Variants in SHROOM2 observed in about 807,000 individuals in gnomAD.
The protein encoded by SHROOM2 is protein Shroom2.
A neutral mutation model predicts 75.9 loss-of-function variants in SHROOM2; 33 were observed. The observed-to-expected ratio is 0.43, with a 90% confidence interval of 0.33 to 0.58. The LOEUF is 0.58. Among genes scored for constraint, SHROOM2 ranks in the 20% least tolerant of loss-of-function variants. The probability of loss-of-function intolerance (pLI) is 0.04; values close to 1 mark genes in which losing one functional copy is unlikely to be tolerated. For missense variants in SHROOM2, 1,434 were observed against 1,461.2 expected (o/e 0.98, Z 0.30); for synonymous variants, 655 against 663.6 (o/e 0.99, Z 0.20).
intron 1 of SHROOM2, among the ~76,000 whole-genome samples, chrX:9,838,391 C>G (rs1189074273): frequency 1.8e-5 from 2 of 110,694 alleles, no homozygotes; most frequent in East Asian, 5.7e-4. Context: ...CACGAGCTGG[C>G]TGGGATTGGG....
At chrX:9,798,644 A>G (rs1359722536) in intron 1 of SHROOM2, among the ~76,000 whole-genome samples, 1 of 112,092 alleles carries the variant, frequency 8.9e-6, no homozygotes, top group African/African-American at 3.2e-5. Flanking sequence ...TGTGTATGCC[A>G]CTTGACGTTT....
intron 1 of SHROOM2, among the ~76,000 whole-genome samples, chrX:9,814,997 C>T (rs1241458394): frequency 1.8e-5 from 2 of 111,527 alleles, no homozygotes; most frequent in Admixed American, 9.6e-5. Flanking sequence ...AGATTTGAGG[C>T]TCAGTATCTG....
intron 1 of SHROOM2, among the ~76,000 whole-genome samples, chrX:9,843,671 G>C (rs2083991239): frequency 8.9e-6 from 1 of 112,621 alleles, no homozygotes; most frequent in South Asian, 3.6e-4. Flanking sequence ...AAAGTGCTGG[G>C]ATTACAGGCG....
intron 1 of SHROOM2, among the ~76,000 whole-genome samples, chrX:9,809,749 A>G (rs765856635): frequency 1.2e-4 from 14 of 112,359 alleles, no homozygotes; most frequent in Non-Finnish European, 2.3e-4. Context: ...GCTCACTGCA[A>G]CCTCTGCCTC....
intron 5 of SHROOM2, among the ~76,000 whole-genome samples, chrX:9,903,785 T>A (rs1452816193): frequency 9.0e-6 from 1 of 110,855 alleles, no homozygotes; most frequent in Non-Finnish European, 1.9e-5. Flanking sequence ...GCTCAAGCGA[T>A]CCACCCATCT....
chrX:9,895,518 C>T lies in SHROOM2; in HGVS notation c.1610C>T (p.Pro537Leu), dbSNP rs764369129. Residue 537 changes from proline to leucine, a missense_variant, in exon 4 of 10, where the codon CCG becomes CTG. By Grantham distance (98) the Pro-to-Leu change is moderately conservative (BLOSUM62 -3). Transcript: ENST00000380913. ...GCCCGCGAGACAGGACGGTGTTACC[C>T]GCTGGACAAAGGGGCCGAGGGCTGC... ...PDARETGRCY[P>L]LDKGAEGCSA... 35 of 1,199,164 alleles carry T rather than the reference C, an allele frequency of 2.9e-5. No individual in the cohort carries two copies. Among genetic ancestry groups the T allele is most frequent in the African/African-American group, 2.3e-4 (13 of 57,114 alleles).
At chrX:9,846,295 TTTA>T (rs201081270) in intron 1 of SHROOM2, among the ~76,000 whole-genome samples, 4,717 of 108,757 alleles carry the variant, frequency 0.043, 112 homozygotes, top group Middle Eastern at 0.074. Flanking sequence ...AATTCTTTTA[TTTA>T]TTATTATTAT....
intron 1 of SHROOM2, among the ~76,000 whole-genome samples, chrX:9,824,008 C>G (rs1283619952): frequency 9.0e-6 from 1 of 111,106 alleles, no homozygotes; most frequent in African/African-American, 3.3e-5. Flanking sequence ...CTGCCTTGGC[C>G]TTCCAAAGTG....
intron 5 of SHROOM2, among the ~76,000 whole-genome samples, chrX:9,922,935 A>C (rs1313334079): frequency 3.6e-5 from 4 of 111,359 alleles, no homozygotes; most frequent in Non-Finnish European, 7.5e-5. Context: ...CAAAACCAGG[A>C]GGCAGTGGAG....
chrX:9,939,413 G>A (rs2084749024), intron 8 of SHROOM2, 47 bp downstream of exon 8: 1 of 1,097,555 alleles, frequency 9.1e-7, no homozygotes, highest in South Asian at 2.1e-5. Flanking sequence ...TCCAGGCAGG[G>A]GCAGGCATCC....
At chrX:9,883,149 C>T (rs765421709) in intron 2 of SHROOM2, among the ~76,000 whole-genome samples, 2 of 112,538 alleles carry the variant, frequency 1.8e-5, no homozygotes, top group South Asian at 3.7e-4. Context: ...CTTTAGGTCC[C>T]GTCTTCCAGG....
intron 5 of SHROOM2, among the ~76,000 whole-genome samples, chrX:9,907,816 G>A (rs1548387): frequency 0.45 from 50,074 of 110,792 alleles, 9,336 homozygotes; most frequent in East Asian, 0.83. Context: ...AGCCACATCC[G>A]TTTGCTCACA....
In SHROOM2 at chrX:9,948,158, A is replaced by G. The variant is rs762160811; in HGVS notation, c.*1221A>G. 2.7e-5 allele frequency: 3 copies of G among 112,535 alleles called. No homozygotes were observed. The South Asian group carries it at 1.1e-3, about 41-fold the overall frequency. The allele number at this position is 112,535 out of a possible 1,213,427, so 9.3% of individuals were successfully genotyped here. A position where few individuals can be genotyped will look rare whatever the true frequency, so the allele number is the denominator to read the frequency against. On this transcript the variant is annotated 3_prime_UTR_variant, in exon 10 of 10. Coordinates refer to ENST00000380913, the MANE Select transcript of SHROOM2 (RefSeq NM_001649.4). The stretch of plus-strand genomic sequence containing the variant: ...CTCTCAAACCGGATAGTAAGAAAAC[A>G]AACAGCCCAAGTGAAAAGCAGGCAA...
At chrX:9,880,660 G>A (rs1038183323) in intron 2 of SHROOM2, among the ~76,000 whole-genome samples, 3 of 112,611 alleles carry the variant, frequency 2.7e-5, no homozygotes, top group Non-Finnish European at 5.6e-5. Flanking sequence ...TGAAGTACCC[G>A]ACACAGCCTT....
Position 9,937,616 on chromosome X carries a change from T to A in SHROOM2, c.4070T>A (p.Leu1357His). The stretch of plus-strand genomic sequence containing the variant: ...GGCATCTTCCCCAAAGACGAGCACC[T>A]CCTGGAAGAAGCCCAGCAACGGAGG... ...MEGIFPKDEH[L>H]LEEAQQRRKL... The change falls in exon 7 of 10, where the codon CTC becomes CAC. Residue 1357 changes from leucine to histidine, a missense_variant. Transcript: ENST00000380913. 1 of 1,210,378 alleles carries A rather than the reference T, an allele frequency of 8.3e-7. No homozygotes were observed. The highest frequency in any genetic ancestry group is 1.1e-6 in the Non-Finnish European group (1 of 894,956).
intron 3 of SHROOM2, among the ~76,000 whole-genome samples, chrX:9,893,562 T>TAAAG (rs1454653188): frequency 8.9e-6 from 1 of 112,162 alleles, no homozygotes; most frequent in Non-Finnish European, 1.9e-5. Flanking sequence ...TGGGTTCCAG[T>TAAAG]AAAGCTTCAT....
chrX:9,847,303 C>T (rs892289815), intron 1 of SHROOM2, among the ~76,000 whole-genome samples: 6 of 112,356 alleles, frequency 5.3e-5, no homozygotes, highest in Admixed American at 3.8e-4. Flanking sequence ...GGCACCAGGC[C>T]GTGCCTGACG....
chrX:9,818,580 GAAGGTA>G (rs1392558989), intron 1 of SHROOM2: 6 of 311,042 alleles, frequency 1.9e-5, no homozygotes, highest in Non-Finnish European at 3.6e-5. Flanking sequence ...AAGCCATGAA[GAAGGTA>G]CCATTGAGCT....
chrX:9,935,800 G>T (rs765343591), intron 6 of SHROOM2, among the ~76,000 whole-genome samples: 1 of 111,716 alleles, frequency 9.0e-6, no homozygotes, highest in South Asian at 3.7e-4. Context: ...ACATCGTAGG[G>T]GCAGTTTTGG....
Sources: allele counts gnomAD v4.1 joint callset (sites outside exome capture counted in the v4.1 genomes callset), GRCh38; gene constraint gnomAD v4.1.1; transcripts MANE v1.5; gene names NCBI Gene and HGNC (gene_info 2026-07-23, HGNC 2026-07-21).